ITGB5: variants seen among roughly 807,000 people sequenced by gnomAD.
The protein encoded by ITGB5 is integrin beta-5.
ITGB5 carries 38 observed loss-of-function variants against 84.8 expected under a neutral mutation model. That is an observed-to-expected ratio of 0.45 (90% CI 0.35 to 0.59). ITGB5 has a LOEUF of 0.59. Among genes scored for constraint, ITGB5 ranks in the 20% least tolerant of loss-of-function variants. The pLI, the probability that ITGB5 is intolerant of heterozygous loss-of-function variation, is 0.01. For synonymous variants in ITGB5, 393 were observed against 414.4 expected (o/e 0.95, Z 0.63); for missense variants, 905 against 1,034.5 (o/e 0.87, Z 1.72).
chr3:124,865,481 CTTTTT>C (rs59446328), intron 2 of ITGB5, among the ~76,000 whole-genome samples: 1 of 93,296 alleles, frequency 1.1e-5, no homozygotes, highest in Non-Finnish European at 2.0e-5. Flanking sequence ...CGGCTTTTTT[CTTTTT>C]TTTTTTTTTT....
At chr3:124,794,619 T>TA (rs746261593) in intron 10 of ITGB5, among the ~76,000 whole-genome samples, 127 of 144,538 alleles carry the variant, frequency 8.8e-4, no homozygotes, top group Middle Eastern at 3.5e-3. Context: ...CATATCTATT[T>TA]AAAAAAAAAA....
rs1388487130 is a variant in ITGB5 at position 124,830,928 on chromosome 3, G to A, written c.781-9454C>T. ...GAACCCAGGAGGCAGAGGTTGCAGT[G>A]AGCTGAGATCACACCACTGAACTCC... On this transcript the variant is annotated intron_variant, in intron 5 of 14. Coordinates refer to ENST00000296181, the MANE Select transcript of ITGB5 (RefSeq NM_002213.5). 2.0e-5 allele frequency among the ~76,000 whole-genome samples: 3 copies of A among 152,124 alleles called. No individual in the cohort carries two copies. The East Asian group carries it at 5.8e-4, about 29-fold the overall frequency.
chr3:124,795,936 T>C (rs182222240), intron 10 of ITGB5, among the ~76,000 whole-genome samples: 121 of 152,308 alleles, frequency 7.9e-4, no homozygotes, highest in Admixed American at 2.5e-3. Context: ...CTGTAATGGA[T>C]TAAATGTGTA....
intron 5 of ITGB5, among the ~76,000 whole-genome samples, chr3:124,835,887 T>C (rs2064928333): frequency 6.6e-6 from 1 of 152,164 alleles, no homozygotes; most frequent in African/African-American, 2.4e-5. Context: ...TTCCACATTT[T>C]ACAGGTGTCT....
chr3:124,825,091 G>A (rs2064765456), intron 5 of ITGB5, among the ~76,000 whole-genome samples: 2 of 151,990 alleles, frequency 1.3e-5, no homozygotes, highest in Non-Finnish European at 2.9e-5. Flanking sequence ...CAGCTACTCG[G>A]GAGGCTAAGG....
chr3:124,789,206 T>C (rs2064122487), intron 10 of ITGB5, among the ~76,000 whole-genome samples: 1 of 152,246 alleles, frequency 6.6e-6, no homozygotes, highest in South Asian at 2.1e-4. Context: ...ATTACATTAC[T>C]AAAGAAAACA....
At chr3:124,799,765 C>A (rs191883245) in intron 9 of ITGB5, among the ~76,000 whole-genome samples, 153 of 152,206 alleles carry the variant, frequency 1.0e-3, no homozygotes, top group African/African-American at 3.5e-3. Flanking sequence ...GGGGCCAGGC[C>A]TAGAGCAGGG....
intron 10 of ITGB5, chr3:124,792,065 A>G (rs2064157455): frequency 6.6e-6 from 1 of 152,246 alleles, no homozygotes; most frequent in Non-Finnish European, 1.5e-5. Flanking sequence ...ATCTCACTCC[A>G]GAAACTATTT....
At chr3:124,847,224 A>G (rs1334560197) in intron 4 of ITGB5, among the ~76,000 whole-genome samples, 1 of 152,228 alleles carries the variant, frequency 6.6e-6, no homozygotes, top group African/African-American at 2.4e-5. Context: ...ACAAACCCTC[A>G]CTAAAGTTAA....
At chr3:124,833,838 G>A (rs2064891635) in intron 5 of ITGB5, among the ~76,000 whole-genome samples, 1 of 152,212 alleles carries the variant, frequency 6.6e-6, no homozygotes, top group African/African-American at 2.4e-5. Context: ...CCTGCCTTCA[G>A]GGAGTTTACT....
chr3:124,793,506 G>T (rs2064178686), intron 10 of ITGB5, among the ~76,000 whole-genome samples: 2 of 152,254 alleles, frequency 1.3e-5, no homozygotes, highest in Admixed American at 6.5e-5. Context: ...CCTGCACATG[G>T]GGAACCAGGT....
At chr3:124,775,312 AAGTGTG>A (rs1436472905) in intron 10 of ITGB5, among the ~76,000 whole-genome samples, 1 of 151,858 alleles carries the variant, frequency 6.6e-6, no homozygotes, top group East Asian at 1.9e-4. Flanking sequence ...GAGTGTGTAC[AAGTGTG>A]AGTGTATGTG....
chr3:124,811,167 G>C (rs58308063), intron 8 of ITGB5, among the ~76,000 whole-genome samples: 11,742 of 152,026 alleles, frequency 0.077, 1,093 homozygotes, highest in African/African-American at 0.22. Flanking sequence ...TCAATACACA[G>C]AGCACTCTCC....
At chr3:124,875,387 G>A (rs955282525) in intron 1 of ITGB5, among the ~76,000 whole-genome samples, 10 of 146,832 alleles carry the variant, frequency 6.8e-5, no homozygotes, top group Non-Finnish European at 1.2e-4. Context: ...TGAGGCACGA[G>A]AATCACTTGA....
intron 8 of ITGB5, among the ~76,000 whole-genome samples, chr3:124,812,421 C>T (rs2064519286): frequency 6.6e-6 from 1 of 152,142 alleles, no homozygotes; most frequent in African/African-American, 2.4e-5. Flanking sequence ...GACTTTATGG[C>T]AACAACAAAA....
chr3:124,881,128 T>G (rs1263100569), intron 1 of ITGB5, among the ~76,000 whole-genome samples: 1 of 151,336 alleles, frequency 6.6e-6, no homozygotes, highest in East Asian at 2.0e-4. Flanking sequence ...GGATTACAGG[T>G]GCACACCACC....
intron 5 of ITGB5, among the ~76,000 whole-genome samples, chr3:124,838,260 A>G (rs1005899404): frequency 1.6e-4 from 24 of 152,108 alleles, no homozygotes; most frequent in African/African-American, 5.3e-4. Context: ...GGTAAATATT[A>G]AACAAAAAGC....
chr3:124,794,183 G>A (rs1180927848), intron 10 of ITGB5, among the ~76,000 whole-genome samples: 1 of 152,198 alleles, frequency 6.6e-6, no homozygotes, highest in Non-Finnish European at 1.5e-5. Context: ...CCACAGCCCT[G>A]CCTAAAACTG....
intron 5 of ITGB5, among the ~76,000 whole-genome samples, chr3:124,840,663 T>TTG (rs35524552): frequency 2.2e-5 from 1 of 45,418 alleles, no homozygotes; most frequent in Admixed American, 1.9e-4. Flanking sequence ...TTTTTCTTTC[T>TTG]TTTTTTTTTT....
Sources: gnomAD v4.1 joint callset for allele counts (sites outside exome capture counted in the v4.1 genomes callset) on GRCh38, gnomAD v4.1.1 for gene constraint, MANE v1.5 for transcripts, NCBI Gene and HGNC (gene_info 2026-07-23, HGNC 2026-07-21) for gene names.